CLEC5A: variants seen among roughly 807,000 people sequenced by gnomAD.
CLEC5A encodes the protein C-type lectin domain family 5 member A.
CLEC5A carries 15 observed loss-of-function variants against 24.4 expected under a neutral mutation model. The ratio of observed to expected loss-of-function variants is 0.62; its 90% CI spans 0.41 to 0.95. The LOEUF (loss-of-function observed/expected upper bound fraction) is 0.95. CLEC5A is among the 40% of genes least tolerant of loss of function. The pLI, the probability that CLEC5A is intolerant of heterozygous loss-of-function variation, is 0.00. For missense variants in CLEC5A, 211 were observed against 224.0 expected (o/e 0.94, Z 0.37); for synonymous variants, 71 against 72.6 (o/e 0.98, Z 0.11).
chr7:141,931,909 C>A, intron 5 of CLEC5A, 83 bp from the exon 6 acceptor site: 1 of 652,820 alleles, frequency 1.5e-6, no homozygotes, highest in East Asian at 2.7e-5. Context: ...ATATCTGATC[C>A]TGGGAATAAG....
chr7:141,934,806 C>T (rs1802571270), intron 5 of CLEC5A, among the ~76,000 whole-genome samples: 1 of 151,724 alleles, frequency 6.6e-6, no homozygotes. Flanking sequence ...TTAGTAGAGA[C>T]ATGGTTTCAC....
chr7:141,931,755 C>T lies in CLEC5A; in HGVS notation c.417G>A (p.Arg139=), dbSNP rs782807070. 2 of 1,602,450 alleles carry T rather than the reference C, an allele frequency of 1.2e-6. No homozygotes were observed. Among genetic ancestry groups the T allele is most frequent in the East Asian group, 2.2e-5 (1 of 44,854 alleles). ...ACACAGAGTTGTTGATCCAACGCCA[C>T]CTTTTCTCTTCACGATGGTAAATTA... ...IGLIYHREEK[R]WRWINNSVFN... Residue 139 remains arginine, a synonymous_variant, in exon 6 of 7, where the codon AGG becomes AGA. Transcript: ENST00000546910.
In CLEC5A at chr7:141,933,125, C is replaced by T. The variant is rs148364511; in HGVS notation, c.346-1299G>A. Among the ~76,000 whole-genome samples, 11 of 152,254 alleles carry T rather than the reference C, an allele frequency of 7.2e-5. No individual in the cohort carries two copies. In the East Asian group the frequency reaches 1.9e-3, roughly 27 times the overall value. ...GAACCACAGGTTTAATGAGGGAAGA[C>T]AACCAACTTAACTAGCATAAGGAGG... On this transcript the variant is annotated intron_variant, in intron 5 of 6. Coordinates refer to ENST00000546910, the MANE Select transcript of CLEC5A (RefSeq NM_013252.3).
intron 6 of CLEC5A, among the ~76,000 whole-genome samples, chr7:141,930,692 T>C (rs1332505074): frequency 1.3e-5 from 2 of 152,190 alleles, no homozygotes; most frequent in Non-Finnish European, 2.9e-5. Flanking sequence ...CCCACCTCTT[T>C]TTCTGTCATT....
chr7:141,931,960 C>G (rs1302628897), intron 5 of CLEC5A, 134 bp from the exon 6 acceptor site: 9 of 530,680 alleles, frequency 1.7e-5, no homozygotes, highest in Admixed American at 1.1e-4. Context: ...ATAGCTGGGA[C>G]TCACAACTAA....
At position 141,930,105 on chromosome 7, in the gene CLEC5A, C is replaced by T. The variant is rs188222972; in HGVS notation, c.566G>A (p.Ter189=). 404 of 1,610,116 alleles carry T rather than the reference C, an allele frequency of 2.5e-4. 3 individuals carry two copies. In the Admixed American group the frequency reaches 6.6e-3, roughly 26 times the overall value. The change falls in exon 7 of 7, where the codon TGA becomes TAA. Residue 189 remains the stop codon, a stop_retained_variant. Transcript: ENST00000546910. ...YRRICEKNAK[*] ...AGTTCTTGTCACAGGGAACTGTGAT[C>T]ATTTGGCATTCTTCTCACAGATCCT...
rs370327842 is a variant in CLEC5A, at chr7:141,945,549, G to T, written c.80-149C>A. 865 of 668,692 alleles carry T rather than the reference G, an allele frequency of 1.3e-3. 12 individuals are homozygous for T. The South Asian group carries it at 0.014, about 11-fold the overall frequency. The allele number at this position is 668,692 out of a possible 1,614,324, so 41.4% of individuals were successfully genotyped here. Reference sequence around the variant, plus strand: ...GACTCAGTGAAGATGCATAAATGTGGTTTTGTGAATACGTTCCCTTATTCA... The same window carrying T: ...GACTCAGTGAAGATGCATAAATGTGTTTTTGTGAATACGTTCCCTTATTCA... On this transcript the variant is annotated intron_variant, in intron 2 of 6. Transcript: ENST00000546910.
chr7:141,941,741 C>G (rs1221621992), intron 4 of CLEC5A, among the ~76,000 whole-genome samples: 2 of 151,894 alleles, frequency 1.3e-5, no homozygotes, highest in Non-Finnish European at 2.9e-5. Flanking sequence ...CTCCAGGATA[C>G]AAAATCAACA....
At position 141,945,389 on chromosome 7, in the gene CLEC5A, A is replaced by G. The variant is rs1802923098; in HGVS notation, c.91T>C (p.Phe31Leu). ...GTGAAACCATCGTTACTTTTGTTAA[A>G]AATCTGTGGGACTGAAAAGAAAATC... ...TLFLLYFPQI[F>L]NKSNDGFTTT... Residue 31 changes from phenylalanine (F) to leucine (L), a missense_variant, in exon 3 of 7, where the codon TTT (phenylalanine) becomes CTT (leucine). By Grantham distance (22) the Phe-to-Leu change is conservative (BLOSUM62 0). Coordinates refer to ENST00000546910, the MANE Select transcript of CLEC5A (RefSeq NM_013252.3). 3 of 1,612,784 alleles carry G rather than the reference A, an allele frequency of 1.9e-6. No individual in the cohort carries two copies. Among genetic ancestry groups the G allele is most frequent in the East Asian group, 4.5e-5 (2 of 44,870 alleles).
intron 6 of CLEC5A, 125 bp from the exon 7 acceptor site, chr7:141,930,343 A>G (rs1554440180): frequency 1.4e-6 from 1 of 695,704 alleles, no homozygotes; most frequent in Non-Finnish European, 2.4e-6. Context: ...TTTGCCTGGA[A>G]GGGCAGCAGA....
At chr7:141,946,143 T>G in intron 2 of CLEC5A, 71 bp downstream of exon 2, 1 of 1,483,180 alleles carries the variant, frequency 6.7e-7, no homozygotes, top group South Asian at 1.2e-5. Context: ...CACACAACCA[T>G]GCATTCTGAG....
rs1310790372 is a variant in CLEC5A at position 141,929,208 on chromosome 7, G to C, written c.*896C>G. ...AGGCTCCTTGGGGTCAGTAGGCTGT[G>C]CCTGGTATCAGGCTTTCTCCAGAAC... On this transcript the variant is annotated 3_prime_UTR_variant, in exon 7 of 7. Coordinates refer to ENST00000546910, the MANE Select transcript of CLEC5A (RefSeq NM_013252.3). The C allele has an allele frequency of 6.6e-6, 1 of 152,170 alleles. No individual in the cohort carries two copies. 9.4% of individuals were successfully genotyped at this position (152,170 alleles called of 1,614,324 possible).
intron 5 of CLEC5A, 135 bp downstream of exon 5, chr7:141,935,679 A>C: frequency 1.3e-6 from 1 of 748,580 alleles, no homozygotes; most frequent in Non-Finnish European, 2.2e-6. Flanking sequence ...CAGAACAAAT[A>C]GCTTCAGTTT....
At chr7:141,930,368 C>T (rs1175158504) in intron 6 of CLEC5A, 150 bp from the exon 7 acceptor site, 1 of 621,906 alleles carries the variant, frequency 1.6e-6, no homozygotes. Context: ...CGGGCCCACA[C>T]ACGTCTCCAT....
chr7:141,942,476 A>C (rs1459572789), intron 4 of CLEC5A, among the ~76,000 whole-genome samples: 1 of 152,186 alleles, frequency 6.6e-6, no homozygotes, highest in African/African-American at 2.4e-5. Flanking sequence ...TGAAAATACA[A>C]GAAAACTTCG....
rs543758860 is a variant in CLEC5A, at chr7:141,946,281, G to T, written c.12C>A (p.His4Gln). Residue 4 changes from histidine to glutamine, a missense_variant, in exon 2 of 7, where the codon CAC becomes CAA. Coordinates refer to ENST00000546910, the MANE Select transcript of CLEC5A (RefSeq NM_013252.3). The part of the protein sequence containing the change: MNW[H>Q]MIISGLIVVV... The stretch of plus-strand genomic sequence containing the variant: ...CCACAATAAGCCCAGAGATGATCAT[G>T]TGCCAGTTCATGATGAAGGAGCTGC... 2 of 1,569,766 alleles carry T rather than the reference G, an allele frequency of 1.3e-6. No homozygotes were observed. The highest frequency in any genetic ancestry group is 1.3e-5 in the African/African-American group (1 of 74,492).
In CLEC5A at chr7:141,946,208, A is replaced by G; in HGVS notation, c.79+6T>C. On this transcript the variant is annotated splice_donor_region_variant and intron_variant, in intron 2 of 6. Transcript: ENST00000546910. ...GTCTGGGGCAAGAGGTTGCTCAAATACTCACAATAAAGTAGAAATAAGGTC... is the reference window on the plus strand; with the variant it reads ...GTCTGGGGCAAGAGGTTGCTCAAATGCTCACAATAAAGTAGAAATAAGGTC... 6.4e-7 allele frequency: 1 copy of G among 1,559,226 alleles called. No homozygotes were observed. Among genetic ancestry groups the G allele is most frequent in the Non-Finnish European group, 8.7e-7 (1 of 1,150,220 alleles).
In CLEC5A at chr7:141,943,942, A is replaced by T. The variant is rs1802877020; in HGVS notation, c.162T>A (p.Ser54Arg). 1.9e-6 allele frequency: 3 copies of T among 1,610,366 alleles called. No homozygotes were observed. Among genetic ancestry groups the T allele is most frequent in the Non-Finnish European group, 2.5e-6 (3 of 1,176,994 alleles). ...TAATGAAGCCGTTGGGACTTGGGGAACTGCTCCCAAAAATCTGTGAGACTA... is the reference window on the plus strand; with the variant it reads ...TAATGAAGCCGTTGGGACTTGGGGATCTGCTCCCAAAAATCTGTGAGACTA... ...YGTVSQIFGSSSPSPNGFITT... is the reference protein window; with the variant it reads ...YGTVSQIFGSRSPSPNGFITT... Residue 54 changes from serine (S) to arginine (R), a missense_variant, in exon 4 of 7, where the codon AGT (serine) becomes AGA (arginine). Physicochemically the swap from Ser to Arg is moderately radical, Grantham distance 110. Transcript: ENST00000546910.
intron 3 of CLEC5A, 48 bp from the exon 4 acceptor site, chr7:141,944,012 C>T: frequency 9.5e-7 from 1 of 1,057,512 alleles, no homozygotes; most frequent in Non-Finnish European, 1.5e-6. Context: ...GAATACAACA[C>T]AGAAACAGAA....
Sources: allele counts gnomAD v4.1 joint callset (sites outside exome capture counted in the v4.1 genomes callset), GRCh38; gene constraint gnomAD v4.1.1; transcripts MANE v1.5; gene names NCBI Gene and HGNC (gene_info 2026-07-23, HGNC 2026-07-21).